The following FUT8 variants were observed in gnomAD, a reference collection of about 807,000 sequenced individuals.
The protein encoded by FUT8 is fucosyltransferase 8.
In FUT8, 29 loss-of-function variants were observed where a neutral mutation model predicts 71.3. The observed-to-expected ratio is 0.41, with a 90% CI of 0.30 to 0.55. The LOEUF is 0.55. FUT8 is among the 20% of genes least tolerant of loss of function. The pLI is 0.34. For synonymous variants in FUT8, 254 were observed against 239.3 expected (o/e 1.06, Z -0.57); for missense variants, 544 against 702.1 (o/e 0.77, Z 2.55).
rs78083604 is a variant in FUT8 at position 65,616,348 on chromosome 14, C to G, written c.457C>G (p.Leu153Val). ...ACTCCAAAGACATGCAGATGAATTTCTTTTGGATTTAGGACATCATGAAAG... is the reference window on the plus strand; with the variant it reads ...ACTCCAAAGACATGCAGATGAATTTGTTTTGGATTTAGGACATCATGAAAG... ...NELQRHADEF[L>V]LDLGHHERSI... The change falls in exon 5 of 11, where the codon CTT becomes GTT. Residue 153 changes from leucine to valine, a missense_variant. Physicochemically the swap from Leu to Val is conservative, Grantham distance 32. Transcript: ENST00000673929. 7.1e-4 allele frequency: 1,144 copies of G among 1,605,050 alleles called. 30 individuals are homozygous for G. In the East Asian group the frequency reaches 0.025, roughly 35 times the overall value.
At position 65,582,782 on chromosome 14, in the gene FUT8, C is replaced by T. The variant is rs1887160949; in HGVS notation, c.203+21016C>T. 2.6e-5 allele frequency among the ~76,000 whole-genome samples: 4 copies of T among 152,082 alleles called. No individual in the cohort carries two copies. In the South Asian group the frequency reaches 8.3e-4, roughly 32 times the overall value. ...TATCATAGTGTTTAGAATCTGGCGT[C>T]TTTAATAAAGTGAATTAAATGCTCA... On this transcript the variant is annotated intron_variant, in intron 3 of 10. Transcript: ENST00000673929.
intron 6 of FUT8, among the ~76,000 whole-genome samples, chr14:65,641,805 A>G (rs1160977129): frequency 6.7e-6 from 1 of 149,090 alleles, no homozygotes; most frequent in Admixed American, 6.7e-5. Context: ...TTTCATATGC[A>G]TATTTTCATC....
At chr14:65,692,566 C>G (rs1326363852) in intron 7 of FUT8, among the ~76,000 whole-genome samples, 1 of 142,476 alleles carries the variant, frequency 7.0e-6, no homozygotes, top group East Asian at 2.2e-4. Context: ...GCTGACCCCC[C>G]GCACCTCCCT....
chr14:65,374,052 C>T, the FUT8 span, among the ~76,000 whole-genome samples: 1 of 152,206 alleles, frequency 6.6e-6, no homozygotes, highest in African/African-American at 2.4e-5. Flanking sequence ...AACCAGTTGC[C>T]CCCAAAGGCT....
intron 2 of FUT8, among the ~76,000 whole-genome samples, chr14:65,506,709 G>A (rs894579061): frequency 6.6e-6 from 1 of 152,130 alleles, no homozygotes; most frequent in Non-Finnish European, 1.5e-5. Flanking sequence ...ACACAGGCGT[G>A]CAATGTGTAA....
intron 2 of FUT8, among the ~76,000 whole-genome samples, chr14:65,542,280 A>G (rs963479586): frequency 2.6e-5 from 4 of 152,126 alleles, no homozygotes; most frequent in South Asian, 2.1e-4. Flanking sequence ...TCCCATTTCT[A>G]TATTAGCGGT....
At chr14:65,473,758 C>T (rs1332166222) in intron 2 of FUT8, among the ~76,000 whole-genome samples, 4 of 152,086 alleles carry the variant, frequency 2.6e-5, no homozygotes, top group Admixed American at 6.5e-5. Context: ...CTGACTTCTC[C>T]CTAAACTAAT....
intron 2 of FUT8, among the ~76,000 whole-genome samples, chr14:65,549,810 A>G (rs760694851): frequency 2.4e-4 from 37 of 152,196 alleles, no homozygotes; most frequent in Non-Finnish European, 2.2e-4. Context: ...TACCTGTATT[A>G]GTCTGTTTTT....
At chr14:65,428,582 A>G (rs887082427) in intron 1 of FUT8, among the ~76,000 whole-genome samples, 3 of 152,212 alleles carry the variant, frequency 2.0e-5, no homozygotes, top group African/African-American at 7.2e-5. Flanking sequence ...GACATGGTCT[A>G]ATGGATGATT....
At chr14:65,606,532 ATTGT>A (rs1411151868) in intron 3 of FUT8, among the ~76,000 whole-genome samples, 8 of 151,818 alleles carry the variant, frequency 5.3e-5, no homozygotes, top group Non-Finnish European at 1.0e-4. Flanking sequence ...TGTTTGTAAG[ATTGT>A]TTGAATTTTC....
chr14:65,614,928 A>G (rs1889204957), intron 3 of FUT8, among the ~76,000 whole-genome samples: 1 of 152,188 alleles, frequency 6.6e-6, no homozygotes, highest in Non-Finnish European at 1.5e-5. Flanking sequence ...TACTGCCATA[A>G]GTCACATAAA....
intron 2 of FUT8, among the ~76,000 whole-genome samples, chr14:65,502,276 G>A (rs2066657949): frequency 1.3e-5 from 2 of 151,618 alleles, no homozygotes; most frequent in East Asian, 3.9e-4. Context: ...TCAGGCTGGG[G>A]TGCAGTGGTG....
In FUT8 at chr14:65,591,287, T is replaced by C. The variant is rs181118279; in HGVS notation, c.204-24691T>C. Among the ~76,000 whole-genome samples the C allele has an allele frequency of 2.5e-3, 377 of 152,240 alleles. 2 individuals are homozygous for C. The highest frequency in any genetic ancestry group is 8.3e-3 in the African/African-American group (345 of 41,568). On this transcript the variant is annotated intron_variant, in intron 3 of 10. Transcript: ENST00000673929. Reference sequence around the variant, plus strand: ...TCTCTTGGCCTATCACTTGTCATTGTTTTCAATAAAAGGCAAAAAGCAGTT... The same window carrying C: ...TCTCTTGGCCTATCACTTGTCATTGCTTTCAATAAAAGGCAAAAAGCAGTT...
At chr14:65,703,033 C>A (rs184615212) in intron 7 of FUT8, among the ~76,000 whole-genome samples, 5 of 152,340 alleles carry the variant, frequency 3.3e-5, no homozygotes, top group Non-Finnish European at 5.9e-5. Flanking sequence ...ACGTTAGCCA[C>A]TGCGCCCGGC....
intron 3 of FUT8, among the ~76,000 whole-genome samples, chr14:65,577,815 A>C (rs866702855): frequency 2.6e-5 from 4 of 152,170 alleles, no homozygotes; most frequent in South Asian, 2.1e-4. Flanking sequence ...AGTTAAATAT[A>C]TACTAGGTTA....
chr14:65,578,522 C>T (rs61987985), intron 3 of FUT8, among the ~76,000 whole-genome samples: 16 of 152,106 alleles, frequency 1.1e-4, no homozygotes, highest in East Asian at 5.8e-4. Flanking sequence ...AACACAAATT[C>T]GTAAACTTTC....
chr14:65,412,725 C>G (rs1044837453), upstream of FUT8: 3 of 174,404 alleles, frequency 1.7e-5, no homozygotes, highest in South Asian at 2.2e-4. Flanking sequence ...GGGGCGCGCT[C>G]CCCCATTCGC....
chr14:65,406,292 T>C (rs1458010181), upstream of FUT8, among the ~76,000 whole-genome samples: 2 of 152,230 alleles, frequency 1.3e-5, no homozygotes, highest in Non-Finnish European at 2.9e-5. Flanking sequence ...ACATCATCCC[T>C]TCTTATAGAT....
chr14:65,647,124 A>G (rs1891157633), intron 6 of FUT8, among the ~76,000 whole-genome samples: 1 of 152,204 alleles, frequency 6.6e-6, no homozygotes, highest in African/African-American at 2.4e-5. Context: ...AAATTGTGAC[A>G]TTCTAGTCAT....
Sources: allele counts gnomAD v4.1 joint callset (sites outside exome capture counted in the v4.1 genomes callset), GRCh38; gene constraint gnomAD v4.1.1; transcripts MANE v1.5; gene names NCBI Gene and HGNC (gene_info 2026-07-23, HGNC 2026-07-21).